The following SASH1 variants were observed in gnomAD, a reference collection of about 807,000 sequenced individuals.
SASH1 encodes the protein SAM and SH3 domain-containing protein 1.
SASH1 carries 44 observed loss-of-function variants against 125.2 expected under a neutral mutation model. That is an observed-to-expected ratio of 0.35 (90% CI 0.28 to 0.45). The LOEUF (loss-of-function observed/expected upper bound fraction) is 0.45, where lower values mean the gene tolerates loss of function less well. Ranked by LOEUF, SASH1 falls within the 20% of genes least tolerant of loss-of-function variation. SASH1 has a pLI of 1.00. For missense variants in SASH1, 1,426 were observed against 1,614.5 expected, an observed-to-expected ratio of 0.88 and a Z score of 2.00; for synonymous variants, 639 against 649.1, an observed-to-expected ratio of 0.98 and a Z score of 0.24.
At chr6:148,337,364 C>T (rs1266979269) in intron 1 of SASH1, among the ~76,000 whole-genome samples, 1 of 152,088 alleles carries the variant, frequency 6.6e-6, no homozygotes, top group East Asian at 1.9e-4. Context: ...GCTGGGACTA[C>T]AGGCGCCCGC....
At chr6:148,467,563 G>T (rs1311517012) in intron 4 of SASH1, among the ~76,000 whole-genome samples, 1 of 152,140 alleles carries the variant, frequency 6.6e-6, no homozygotes, top group Non-Finnish European at 1.5e-5. Flanking sequence ...GCCCAGACAT[G>T]TATTGATTAA....
At position 148,544,324 on chromosome 6, in the gene SASH1, A is replaced by C. The variant is rs1294478960; in HGVS notation, c.2854A>C (p.Arg952=). The part of the protein sequence containing the change: ...GLARTPLEGH[R]KGHEFEGTHH... Reference sequence around the variant, plus strand: ...AGCAAGGACGCCTCTGGAGGGCCACAGAAAAGGACACGAGTTTGAAGGAAC... The same window carrying C: ...AGCAAGGACGCCTCTGGAGGGCCACCGAAAAGGACACGAGTTTGAAGGAAC... The change falls in exon 18 of 20, where the codon AGA becomes CGA. Residue 952 remains arginine (R), a synonymous_variant. Transcript: ENST00000367467. The surrounding 1 kb of genome is among the most constrained non-coding windows in gnomAD (Gnocchi z 6.4). The C allele has an allele frequency of 3.1e-6, 5 of 1,614,068 alleles. No individual in the cohort carries two copies. Among genetic ancestry groups the C allele is most frequent in the Non-Finnish European group, 4.2e-6 (5 of 1,180,056 alleles).
intron 1 of SASH1, among the ~76,000 whole-genome samples, chr6:148,288,012 T>A (rs1281760436): frequency 6.6e-6 from 1 of 152,212 alleles, no homozygotes; most frequent in Non-Finnish European, 1.5e-5. Context: ...TTGGTGGGCT[T>A]TCGTTCTCAC....
At position 148,440,722 on chromosome 6, in the gene SASH1, T is replaced by C. The variant is rs75575753; in HGVS notation, c.386+315T>C. On this transcript the variant is annotated intron_variant, in intron 4 of 19. Coordinates refer to ENST00000367467, the MANE Select transcript of SASH1 (RefSeq NM_015278.5). ...CCAAGATGGATTTTCATCTTTTACA[T>C]TAATTTTTAATGTAGGATAAAAGTT... The C allele has an allele frequency of 9.5e-3, 2,985 of 312,590 alleles. 56 individuals are homozygous for C. Among genetic ancestry groups the C allele is most frequent in the African/African-American group, 0.051 (2,422 of 47,102 alleles). The allele number at this position is 312,590 out of a possible 1,614,324, so 19.4% of individuals were successfully genotyped here.
the SASH1 span, among the ~76,000 whole-genome samples, chr6:148,263,267 G>A: frequency 6.6e-6 from 1 of 152,206 alleles, no homozygotes; most frequent in Non-Finnish European, 1.5e-5. Context: ...GAGAAAGCCT[G>A]TGCCTGCCTG....
chr6:148,526,332 G>A lies in SASH1; in HGVS notation c.1284+967G>A, dbSNP rs1040549560. On this transcript the variant is annotated intron_variant, in intron 11 of 19. Coordinates refer to ENST00000367467, the MANE Select transcript of SASH1 (RefSeq NM_015278.5). ...CCATCTTGGCCTCCCAGAGTGCTGG[G>A]ATTACAGGTGTGAGCCACGCGCCCG... is the stretch of plus-strand genomic sequence containing the variant. Among the ~76,000 whole-genome samples, 5 of 152,108 alleles carry A rather than the reference G, an allele frequency of 3.3e-5. No individual in the cohort carries two copies. The South Asian group carries it at 8.3e-4, about 25-fold the overall frequency.
Position 148,525,278 on chromosome 6 carries a change from C to G in SASH1, c.1210-13C>G. ...ATAACTGAAGTTTTTCTGCCCTACCCTCTTTTCCACAGAGAACCTGCAGTT... is the reference window on the plus strand; with the variant it reads ...ATAACTGAAGTTTTTCTGCCCTACCGTCTTTTCCACAGAGAACCTGCAGTT... On this transcript the variant is annotated splice_polypyrimidine_tract_variant and intron_variant, in intron 10 of 19. Transcript: ENST00000367467. 5.6e-6 allele frequency: 9 copies of G among 1,613,040 alleles called. No individual in the cohort carries two copies. The highest frequency in any genetic ancestry group is 7.6e-6 in the Non-Finnish European group (9 of 1,179,074).
the SASH1 span, among the ~76,000 whole-genome samples, chr6:148,225,751 T>C: frequency 5.3e-5 from 8 of 152,312 alleles, no homozygotes; most frequent in South Asian, 1.7e-3. Flanking sequence ...AAATAAAGGT[T>C]GAATTGCTAG....
intron 17 of SASH1, among the ~76,000 whole-genome samples, chr6:148,542,959 G>A (rs189435624): frequency 1.3e-3 from 197 of 152,232 alleles, no homozygotes; most frequent in African/African-American, 4.4e-3. Flanking sequence ...TCTTGGCAAA[G>A]CTTATCCAAC....
At chr6:148,387,905 ATTTTTTTTTTTTT>A (rs71004291) in intron 1 of SASH1, among the ~76,000 whole-genome samples, 13 of 54,020 alleles carry the variant, frequency 2.4e-4, no homozygotes, top group Admixed American at 1.0e-3. Context: ...CGCCCTGCTA[ATTTTTTTTTTTTT>A]TTTTTTTTTT....
At chr6:148,434,928 G>C (rs1158710589) in intron 2 of SASH1, among the ~76,000 whole-genome samples, 13 of 152,158 alleles carry the variant, frequency 8.5e-5, no homozygotes. Flanking sequence ...GATGTAGCCA[G>C]GTGCAGGGGC....
chr6:148,539,002 C>T (rs921586758), intron 16 of SASH1, among the ~76,000 whole-genome samples: 10 of 151,956 alleles, frequency 6.6e-5, no homozygotes, highest in African/African-American at 1.5e-4. Flanking sequence ...TACAACATGC[C>T]GGGTGATGCT....
At chr6:148,449,450 C>T (rs1776986732) in intron 4 of SASH1, among the ~76,000 whole-genome samples, 2 of 144,320 alleles carry the variant, frequency 1.4e-5, no homozygotes, top group East Asian at 2.1e-4. Flanking sequence ...TGCAATGGTG[C>T]AATCTCGGCT....
At chr6:148,510,562 C>G (rs1313510490) in intron 8 of SASH1, among the ~76,000 whole-genome samples, 1 of 152,168 alleles carries the variant, frequency 6.6e-6, no homozygotes, top group African/African-American at 2.4e-5. Flanking sequence ...CAGATTTCCT[C>G]TATCTTCTAC....
intron 12 of SASH1, among the ~76,000 whole-genome samples, chr6:148,527,977 CTT>C (rs5880790): frequency 7.7e-4 from 73 of 94,398 alleles, no homozygotes; most frequent in Middle Eastern, 6.3e-3. Context: ...AAACCTAAAG[CTT>C]TTTTTTTTTG....
chr6:148,339,864 G>T (rs977696743), upstream of SASH1, among the ~76,000 whole-genome samples: 5 of 152,186 alleles, frequency 3.3e-5, no homozygotes, highest in African/African-American at 7.2e-5. Context: ...ACACTGATGC[G>T]GGTATGTGTT....
the SASH1 span, among the ~76,000 whole-genome samples, chr6:148,230,443 T>G: frequency 1.3e-5 from 2 of 152,118 alleles, no homozygotes; most frequent in African/African-American, 4.8e-5. Context: ...CTCCCAAGTA[T>G]TTGGGACTAG....
At chr6:148,440,259 T>C in intron 3 of SASH1, 25 bp downstream of exon 3, 4 of 1,613,236 alleles carry the variant, frequency 2.5e-6, no homozygotes, top group South Asian at 1.1e-5. Flanking sequence ...TTTAATCATC[T>C]AGTTTTGCTT....
intron 17 of SASH1, among the ~76,000 whole-genome samples, chr6:148,542,881 C>T (rs1335311454): frequency 6.8e-5 from 10 of 147,092 alleles, no homozygotes; most frequent in East Asian, 6.1e-4. Flanking sequence ...TGTGTGTGTG[C>T]GCGCGCACAT....
Sources: gnomAD v4.1 joint callset for allele counts (sites outside exome capture counted in the v4.1 genomes callset) on GRCh38, gnomAD v4.1.1 for gene constraint, Gnocchi (gnomAD v3.1) non-coding constraint, MANE v1.5 for transcripts, NCBI Gene and HGNC (gene_info 2026-07-23, HGNC 2026-07-21) for gene names.